The following DNAH8 variants were observed in gnomAD, a reference collection of about 807,000 sequenced individuals.
DNAH8 encodes dynein axonemal heavy chain 8.
DNAH8 carries 382 observed loss-of-function variants against 562.1 expected under a neutral mutation model. The ratio of observed to expected loss-of-function variants is 0.68; its 90% CI spans 0.63 to 0.74. The LOEUF is 0.74. Among genes scored for constraint, DNAH8 ranks in the 30% least tolerant of loss-of-function variants. The pLI is 0.00. For missense variants in DNAH8, 5,203 were observed against 5,620.4 expected (o/e 0.93, Z 2.37); for synonymous variants, 1,881 against 1,919.4 (o/e 0.98, Z 0.52).
At chr6:39,002,166 T>C (rs1765534829) in intron 88 of DNAH8, among the ~76,000 whole-genome samples, 2 of 152,194 alleles carry the variant, frequency 1.3e-5, no homozygotes, top group Non-Finnish European at 2.9e-5. Context: ...ACAGAGTTCA[T>C]GATAAAGTCA....
intron 21 of DNAH8, among the ~76,000 whole-genome samples, chr6:38,802,250 CG>C (rs769476458): frequency 8.0e-5 from 12 of 149,474 alleles, no homozygotes; most frequent in Admixed American, 2.7e-4. Context: ...TTTACTTTTA[CG>C]TTTTTTTTTT....
At chr6:38,883,664 C>G (rs909318709) in intron 55 of DNAH8, among the ~76,000 whole-genome samples, 8 of 152,238 alleles carry the variant, frequency 5.3e-5, no homozygotes, top group Middle Eastern at 3.4e-3. Flanking sequence ...GAGACTGCAG[C>G]TGAACTTTGG....
intron 52 of DNAH8, among the ~76,000 whole-genome samples, chr6:38,873,985 A>G (rs1473677145): frequency 1.3e-5 from 2 of 151,624 alleles, no homozygotes; most frequent in Non-Finnish European, 2.9e-5. Flanking sequence ...TAGTTGTAGC[A>G]TTGTTTTTTC....
chr6:38,950,176 G>A (rs1032142202), intron 81 of DNAH8, among the ~76,000 whole-genome samples: 2 of 133,202 alleles, frequency 1.5e-5, no homozygotes, highest in African/African-American at 3.0e-5. Context: ...AAAAAAATCA[G>A]TGTGTGTGTC....
intron 74 of DNAH8, among the ~76,000 whole-genome samples, chr6:38,926,991 G>A (rs1057385207): frequency 6.6e-6 from 1 of 151,988 alleles, no homozygotes; most frequent in African/African-American, 2.4e-5. Flanking sequence ...ATTGTTCTTT[G>A]CACATTTATC....
chr6:38,889,643 C>T (rs868462491), intron 57 of DNAH8, among the ~76,000 whole-genome samples: 1 of 152,174 alleles, frequency 6.6e-6, no homozygotes, highest in East Asian at 1.9e-4. Flanking sequence ...TTAGCTAGTG[C>T]TTGGCAGATG....
intron 26 of DNAH8, among the ~76,000 whole-genome samples, chr6:38,820,397 A>G (rs1006881796): frequency 3.3e-5 from 5 of 152,328 alleles, no homozygotes; most frequent in Non-Finnish European, 5.9e-5. Flanking sequence ...ATCTTGAATT[A>G]GATACACATC....
intron 30 of DNAH8, 33 bp downstream of exon 30, chr6:38,828,321 T>A: frequency 7.7e-7 from 1 of 1,305,128 alleles, no homozygotes; most frequent in Non-Finnish European, 1.1e-6. Context: ...TATTTTTTCT[T>A]AAGTCACTAT....
At position 38,894,959 on chromosome 6, in the gene DNAH8, G is replaced by C. The variant is rs1779580077; in HGVS notation, c.8747+95G>C. On this transcript the variant is annotated intron_variant, in intron 59 of 92. Transcript: ENST00000327475. ...ATTTTTATTTTTGAGATGGAGTTTT[G>C]CTCTTGTTGCCCAGGCTGGAGTGCA... The C allele has an allele frequency of 7.5e-5, 96 of 1,284,438 alleles. 1 individual carries two copies. The South Asian group carries it at 1.5e-3, about 19-fold the overall frequency. 79.6% of individuals were successfully genotyped at this position (1,284,438 alleles called of 1,614,324 possible). A position where few individuals can be genotyped will look rare whatever the true frequency, so the allele number is the denominator to read the frequency against.
chr6:38,813,144 T>C (rs1218490965), intron 24 of DNAH8, among the ~76,000 whole-genome samples: 2 of 152,222 alleles, frequency 1.3e-5, no homozygotes, highest in Non-Finnish European at 2.9e-5. Flanking sequence ...CTGCCTTTAT[T>C]ATTCAACTGT....
intron 89 of DNAH8, among the ~76,000 whole-genome samples, chr6:39,010,102 G>A (rs1159331403): frequency 6.6e-6 from 1 of 151,992 alleles, no homozygotes; most frequent in Admixed American, 6.6e-5. Flanking sequence ...CTTAGCTGGG[G>A]CCACTTCACC....
intron 21 of DNAH8, among the ~76,000 whole-genome samples, chr6:38,801,795 A>C (rs1052634414): frequency 6.6e-6 from 1 of 152,182 alleles, no homozygotes; most frequent in African/African-American, 2.4e-5. Flanking sequence ...TCAGATACAG[A>C]TTAGACAGTC....
Position 38,807,607 on chromosome 6 carries a change from C to A in DNAH8, c.3151-3C>A. 1 of 1,460,970 alleles carries A rather than the reference C, an allele frequency of 6.8e-7. No individual in the cohort carries two copies. Among genetic ancestry groups the A allele is most frequent in the Non-Finnish European group, 9.1e-7 (1 of 1,098,390 alleles). 90.5% of individuals were successfully genotyped at this position (1,460,970 alleles called of 1,614,324 possible). On this transcript the variant is annotated splice_region_variant and splice_polypyrimidine_tract_variant and intron_variant, in intron 23 of 92. Coordinates refer to ENST00000327475, the MANE Select transcript of DNAH8 (RefSeq NM_001206927.2). ...CCAAATTTAATCTGATTTCTTATTA[C>A]AGGAGTGTAAAGAGGTCTTTGCTTT... is the stretch of plus-strand genomic sequence containing the variant.
intron 1 of DNAH8, among the ~76,000 whole-genome samples, chr6:38,721,513 A>AAG (rs58302350): frequency 0.34 from 49,614 of 147,214 alleles, 8,990 homozygotes; most frequent in East Asian, 0.81. Flanking sequence ...ACAAAAGAGA[A>AAG]AGAGAGAGAG....
intron 8 of DNAH8, among the ~76,000 whole-genome samples, chr6:38,746,966 C>G (rs1030168014): frequency 5.3e-5 from 8 of 151,960 alleles, no homozygotes; most frequent in African/African-American, 1.9e-4. Context: ...TTAAGGTTAA[C>G]CTAAATTTAA....
At chr6:38,874,097 TCTTTCTCCTTCCTTCCTTCCTCC>T (rs1247286523) in intron 52 of DNAH8, among the ~76,000 whole-genome samples, 106 of 105,548 alleles carry the variant, frequency 1.0e-3, no homozygotes, top group Non-Finnish European at 1.3e-3. Context: ...TCTTTCTTTC[TCTTTCTCCTTCCTTCCTTCCTCC>T]TTCTCTCTTT....
chr6:38,842,798 T>C lies in DNAH8; in HGVS notation c.4740T>C (p.Asp1580=), dbSNP rs1487728148. The change falls in exon 35 of 93, where the codon GAT becomes GAC. Residue 1580 remains aspartate, a synonymous_variant. Coordinates refer to ENST00000327475, the MANE Select transcript of DNAH8 (RefSeq NM_001206927.2). ...TNKAMKQRHW[D]RISELTGTPF... ...AGGCCATGAAACAGAGACACTGGGA[T>C]AGAATCTCCGAGTTAACTGGAACCC... 2.5e-6 allele frequency: 4 copies of C among 1,613,862 alleles called. No homozygotes were observed. The highest frequency in any genetic ancestry group is 3.4e-6 in the Non-Finnish European group (4 of 1,179,922).
intron 49 of DNAH8, among the ~76,000 whole-genome samples, chr6:38,870,930 T>A (rs1458789094): frequency 6.6e-6 from 1 of 152,132 alleles, no homozygotes; most frequent in African/African-American, 2.4e-5. Context: ...GCCTGAGGAA[T>A]CTGGGAGTGC....
intron 85 of DNAH8, among the ~76,000 whole-genome samples, chr6:38,977,097 G>A (rs535917918): frequency 2.6e-5 from 4 of 152,352 alleles, no homozygotes; most frequent in African/African-American, 7.2e-5. Flanking sequence ...AACAAAATGA[G>A]CACCTCTCCT....
Sources: allele counts gnomAD v4.1 joint callset (sites outside exome capture counted in the v4.1 genomes callset), GRCh38; gene constraint gnomAD v4.1.1; transcripts MANE v1.5; gene names NCBI Gene and HGNC (gene_info 2026-07-23, HGNC 2026-07-21).